MRC1: variants seen among roughly 807,000 people sequenced by gnomAD.
MRC1 encodes macrophage mannose receptor 1.
In MRC1, 62 loss-of-function variants were observed where a neutral mutation model predicts 102.9. That is an observed-to-expected ratio of 0.60 (90% CI 0.49 to 0.74). The LOEUF (loss-of-function observed/expected upper bound fraction) is 0.74, where lower values mean the gene tolerates loss of function less well. Among genes scored for constraint, MRC1 ranks in the 30% least tolerant of loss-of-function variants. The pLI is 0.00. For synonymous variants in MRC1, 457 were observed against 298.4 expected (o/e 1.53, Z -5.48); for missense variants, 1,237 against 862.8 (o/e 1.43, Z -5.43).
At chr10:17,818,821 T>C (rs1408020590) in intron 1 of MRC1, among the ~76,000 whole-genome samples, 2 of 152,026 alleles carry the variant, frequency 1.3e-5, no homozygotes, top group East Asian at 3.9e-4. Flanking sequence ...AAAAGGAAAG[T>C]TGACACTTGA....
chr10:17,851,153 A>G (rs1165998472), intron 7 of MRC1, among the ~76,000 whole-genome samples: 2 of 152,206 alleles, frequency 1.3e-5, no homozygotes, highest in East Asian at 1.9e-4. Context: ...TCTACTTTGT[A>G]TAACATAATG....
At chr10:17,844,465 C>G (rs1838796091) in intron 5 of MRC1, among the ~76,000 whole-genome samples, 1 of 152,044 alleles carries the variant, frequency 6.6e-6, no homozygotes, top group African/African-American at 2.4e-5. Context: ...GTTGATCCAT[C>G]CGCCTCAGCC....
chr10:17,906,890 C>G lies in MRC1; in HGVS notation c.3804C>G (p.Ser1268=). The G allele has an allele frequency of 1.3e-6, 1 of 785,106 alleles. No individual in the cohort carries two copies. The highest frequency in any genetic ancestry group is 1.3e-5 in the South Asian group (1 of 74,680). 48.6% of individuals were successfully genotyped at this position (785,106 alleles called of 1,614,324 possible). ...TTATCCTTTTACGCTTTCTAGGTTC[C>G]TCTCTGGTTTCCATTGAAAGTGCTG... ...QASLECLRMG[S]SLVSIESAAE... Residue 1268 remains serine, a synonymous_variant, in exon 27 of 30, where the codon TCC becomes TCG. Transcript: ENST00000569591.
chr10:17,867,397 C>T (rs1029689164), intron 12 of MRC1, among the ~76,000 whole-genome samples: 3 of 122,034 alleles, frequency 2.5e-5, no homozygotes, highest in African/African-American at 9.8e-5. Flanking sequence ...TCCTTCTTCT[C>T]CTTCTTCTTC....
chr10:17,845,880 A>G (rs1437041020), intron 6 of MRC1, among the ~76,000 whole-genome samples: 13 of 152,190 alleles, frequency 8.5e-5, no homozygotes, highest in African/African-American at 3.1e-4. Context: ...TTTTCATAAA[A>G]TAGAATAAAA....
chr10:17,819,494 C>T (rs987239816), intron 1 of MRC1, among the ~76,000 whole-genome samples: 3 of 142,754 alleles, frequency 2.1e-5, no homozygotes, highest in Non-Finnish European at 4.5e-5. Context: ...TGTGTGTACA[C>T]AGAAAGGGAA....
At chr10:17,825,516 G>T (rs961181734) in intron 2 of MRC1, among the ~76,000 whole-genome samples, 3 of 152,146 alleles carry the variant, frequency 2.0e-5, no homozygotes, top group Admixed American at 1.3e-4. Flanking sequence ...TAAGGCAAGA[G>T]GATCACTTGA....
chr10:17,910,219 C>T lies in MRC1; in HGVS notation c.4125C>T (p.Asp1375=). 1.3e-6 allele frequency: 1 copy of T among 780,850 alleles called. No individual in the cohort carries two copies. Among genetic ancestry groups the T allele is most frequent in the Non-Finnish European group, 2.4e-6 (1 of 417,946 alleles). The allele number at this position is 780,850 out of a possible 1,614,324, so 48.4% of individuals were successfully genotyped here. ...AATGATTTTATTTATTTATAGCTGACACAAGGAAGATGGACCCTTCTAAAC... is the reference window on the plus strand; with the variant it reads ...AATGATTTTATTTATTTATAGCTGATACAAGGAAGATGGACCCTTCTAAAC... ...PTHELLTTKA[D]TRKMDPSKPS... is the part of the protein sequence containing the mutation. The change falls in exon 30 of 30, where the codon GAC becomes GAT. Residue 1375 remains aspartate (D), a synonymous_variant. Coordinates refer to ENST00000569591, the MANE Select transcript of MRC1 (RefSeq NM_002438.4).
Position 17,832,814 on chromosome 10 carries a change from C to T in MRC1, c.638-861C>T, listed in dbSNP as rs1392944217. Among the ~76,000 whole-genome samples, 10 of 152,082 alleles carry T rather than the reference C, an allele frequency of 6.6e-5. No individual in the cohort carries two copies. In the East Asian group the frequency reaches 1.2e-3, roughly 18 times the overall value. ...CTGTGTTAGCCAAGATGATCTCCAT[C>T]TCCTGACCTTGTGATCCGCCAGCCT... On this transcript the variant is annotated intron_variant, in intron 3 of 29. Coordinates refer to ENST00000569591, the MANE Select transcript of MRC1 (RefSeq NM_002438.4).
chr10:17,875,306 T>C, intron 17 of MRC1, 53 bp downstream of exon 17: 1 of 773,326 alleles, frequency 1.3e-6, no homozygotes, highest in East Asian at 2.4e-5. Flanking sequence ...GGAACAGGTG[T>C]TGTTTGGTTG....
At chr10:17,815,347 G>A (rs1461238858) in intron 1 of MRC1, among the ~76,000 whole-genome samples, 1 of 152,126 alleles carries the variant, frequency 6.6e-6, no homozygotes, top group Non-Finnish European at 1.5e-5. Context: ...ACGAATTAGT[G>A]GGGCTATGCA....
In MRC1 at chr10:17,873,824, C is replaced by T; in HGVS notation, c.2385C>T (p.Asp795=). Reference sequence around the variant, plus strand: ...CTGAGCCAACACCAGCTCCTCAAGACAGTAGGTGTTTTCTTATTTTCTGAT... The same window carrying T: ...CTGAGCCAACACCAGCTCCTCAAGATAGTAGGTGTTTTCTTATTTTCTGAT... ...PKPEPTPAPQ[D]NPPVTEDGWV... Residue 795 remains aspartate (D), a splice_region_variant and synonymous_variant, in exon 16 of 30, where the codon GAC becomes GAT. Transcript: ENST00000569591. 2 of 872,590 alleles carry T rather than the reference C, an allele frequency of 2.3e-6. No homozygotes were observed. Among genetic ancestry groups the T allele is most frequent in the Non-Finnish European group, 4.0e-6 (2 of 501,368 alleles). The allele number at this position is 872,590 out of a possible 1,614,324, so 54.1% of individuals were successfully genotyped here. A position where few individuals can be genotyped will look rare whatever the true frequency, so the allele number is the denominator to read the frequency against.
At position 17,893,602 on chromosome 10, in the gene MRC1, GA is replaced by G. The variant is rs1285196583; in HGVS notation, c.3148-599del. Among the ~76,000 whole-genome samples the G allele has an allele frequency of 3.9e-4, 59 of 150,674 alleles. 1 individual carries two copies. Among genetic ancestry groups the G allele is most frequent in the Admixed American group, 7.9e-4 (12 of 15,162 alleles). ...TTAGAATGGAAATAATGGCATTTCA[GA>G]AAAAAAAATCTGAGATATATTTAGT... On this transcript the variant is annotated intron_variant, in intron 22 of 29. Coordinates refer to ENST00000569591, the MANE Select transcript of MRC1 (RefSeq NM_002438.4).
intron 8 of MRC1, 51 bp from the exon 9 acceptor site, chr10:17,856,191 G>A: frequency 6.6e-6 from 5 of 760,834 alleles, no homozygotes; most frequent in Non-Finnish European, 1.2e-5. Flanking sequence ...AAAAAAAAAG[G>A]TCCCCAAACT....
Position 17,910,982 on chromosome 10 carries a change from G to A in MRC1, c.*517G>A, listed in dbSNP as rs1408945822. 1 of 167,926 alleles carries A rather than the reference G, an allele frequency of 6.0e-6. No homozygotes were observed. Among genetic ancestry groups the A allele is most frequent in the Admixed American group, 5.5e-5 (1 of 18,108 alleles). 10.4% of individuals were successfully genotyped at this position (167,926 alleles called of 1,614,324 possible). Reference sequence around the variant, plus strand: ...TATTTGTACATGTGCAGAAGAATAAGGCAGCTGAGAATCTTGTTTCCCCCA... The same window carrying A: ...TATTTGTACATGTGCAGAAGAATAAAGCAGCTGAGAATCTTGTTTCCCCCA... On this transcript the variant is annotated 3_prime_UTR_variant, in exon 30 of 30. Transcript: ENST00000569591.
At chr10:17,827,470 G>A (rs2130600048) in intron 2 of MRC1, 72 bp from the exon 3 acceptor site, 3 of 704,164 alleles carry the variant, frequency 4.3e-6, no homozygotes, top group South Asian at 4.1e-5. Context: ...TCCTTCAGTA[G>A]GCTTCTTATT....
At chr10:17,842,354 A>C (rs927973985) in intron 5 of MRC1, among the ~76,000 whole-genome samples, 4,404 of 152,290 alleles carry the variant, frequency 0.029, 221 homozygotes, top group African/African-American at 0.1. Flanking sequence ...AACACGAGAA[A>C]ATTTTTAGAG....
chr10:17,824,363 A>T (rs998895998), intron 2 of MRC1, among the ~76,000 whole-genome samples: 1 of 152,210 alleles, frequency 6.6e-6, no homozygotes, highest in Non-Finnish European at 1.5e-5. Flanking sequence ...GAAAGAGCCT[A>T]CTTTTGGGGA....
chr10:17,809,550 A>G, intron 1 of MRC1, 24 bp downstream of exon 1: 1 of 872,448 alleles, frequency 1.1e-6, no homozygotes, highest in South Asian at 1.3e-5. Flanking sequence ...GAGGCAGGGG[A>G]TCTCTGACCT....
Sources: gnomAD v4.1 joint callset for allele counts (sites outside exome capture counted in the v4.1 genomes callset) on GRCh38, gnomAD v4.1.1 for gene constraint, MANE v1.5 for transcripts, NCBI Gene and HGNC (gene_info 2026-07-23, HGNC 2026-07-21) for gene names.